SIRT2: variants seen among roughly 807,000 people sequenced by gnomAD.
SIRT2 encodes the protein NAD-dependent protein deacetylase sirtuin-2.
Under a neutral mutation model 57.4 loss-of-function variants are expected in SIRT2, and 40 were observed. The observed-to-expected ratio is 0.70, with a 90% CI of 0.54 to 0.91. The LOEUF is 0.91. Among genes scored for constraint, SIRT2 ranks in the 40% least tolerant of loss-of-function variants. SIRT2 has a pLI of 0.00. For synonymous variants in SIRT2, 161 were observed against 195.7 expected, an observed-to-expected ratio of 0.82 and a Z score of 1.48; for missense variants, 439 against 510.4, an observed-to-expected ratio of 0.86 and a Z score of 1.35.
chr19:38,879,705 G>A lies in SIRT2; in HGVS notation c.877-3C>T. Reference sequence around the variant, plus strand: ...ATCATCCCCAGGAAAGGGTCCGACTGTCAGGGAGGGGGTGGGTCAGGGGCA... The same window carrying A: ...ATCATCCCCAGGAAAGGGTCCGACTATCAGGGAGGGGGTGGGTCAGGGGCA... On this transcript the variant is annotated splice_region_variant and splice_polypyrimidine_tract_variant and intron_variant, in intron 13 of 15. Coordinates refer to ENST00000249396, the MANE Select transcript of SIRT2 (RefSeq NM_012237.4). 6.4e-7 allele frequency: 1 copy of A among 1,563,554 alleles called. No homozygotes were observed. Among genetic ancestry groups the A allele is most frequent in the African/African-American group, 1.4e-5 (1 of 73,744 alleles).
chr19:38,886,022 G>A (rs1367683257), intron 8 of SIRT2, among the ~76,000 whole-genome samples: 2 of 152,156 alleles, frequency 1.3e-5, no homozygotes, highest in Admixed American at 6.5e-5. Context: ...TTGCCTGTGA[G>A]GAATGCCGCT....
rs1370214075 is a variant in SIRT2 at position 38,880,925 on chromosome 19, C to A, written c.748-28G>T. ...GCGGGGAGGGGCGTGAGCTTGGGAGCCTCCGCCCAGGCTGCGCCACCGCTC... is the reference window on the plus strand; with the variant it reads ...GCGGGGAGGGGCGTGAGCTTGGGAGACTCCGCCCAGGCTGCGCCACCGCTC... On this transcript the variant is annotated intron_variant, in intron 11 of 15. Transcript: ENST00000249396. This position sits in a 1 kb window ranked among gnomAD's most constrained non-coding sequence, Gnocchi z 4.1. 1.2e-6 allele frequency: 2 copies of A among 1,605,650 alleles called. No individual in the cohort carries two copies. The highest frequency in any genetic ancestry group is 1.7e-6 in the Non-Finnish European group (2 of 1,173,592).
chr19:38,879,020 T>C lies in SIRT2; in HGVS notation c.*135A>G, dbSNP rs1175353057. The stretch of plus-strand genomic sequence containing the variant: ...GCCAGGGTTGCTGGGACCCCAGTTT[T>C]GGGGAGGGAGCTGTAAGAGATTGGG... On this transcript the variant is annotated 3_prime_UTR_variant, in exon 16 of 16. Transcript: ENST00000249396. 1.0e-6 allele frequency: 1 copy of C among 958,878 alleles called. No homozygotes were observed. The highest frequency in any genetic ancestry group is 1.5e-6 in the Non-Finnish European group (1 of 667,986). 59.4% of individuals were successfully genotyped at this position (958,878 alleles called of 1,614,324 possible).
At chr19:38,884,723 A>G (rs1269090597) in intron 8 of SIRT2, among the ~76,000 whole-genome samples, 1 of 151,934 alleles carries the variant, frequency 6.6e-6, no homozygotes, top group African/African-American at 2.4e-5. Context: ...CTGGGATTAT[A>G]GACATGAGCC....
intron 8 of SIRT2, among the ~76,000 whole-genome samples, chr19:38,885,428 C>CTTTT (rs746141768): frequency 1.5e-5 from 2 of 137,738 alleles, no homozygotes; most frequent in African/African-American, 5.3e-5. Flanking sequence ...CTTTTCTTTT[C>CTTTT]TTTTTTTTTT....
intron 8 of SIRT2, among the ~76,000 whole-genome samples, chr19:38,887,909 C>T (rs1460200443): frequency 6.6e-6 from 1 of 151,684 alleles, no homozygotes; most frequent in Non-Finnish European, 1.5e-5. Flanking sequence ...ACAGGCACCA[C>T]CACACCTGGC....
intron 2 of SIRT2, chr19:38,894,733 T>C (rs1973661143): frequency 2.2e-6 from 1 of 451,690 alleles, no homozygotes; most frequent in Non-Finnish European, 4.5e-6. Context: ...AACCTCTGTC[T>C]CCTTCCTCGA....
intron 7 of SIRT2, chr19:38,889,450 G>C: frequency 4.5e-6 from 3 of 664,154 alleles, no homozygotes. Context: ...AGTCAGCTAA[G>C]CCTCGCAGCA....
intron 4 of SIRT2, chr19:38,890,465 C>G: frequency 2.8e-6 from 1 of 354,128 alleles, no homozygotes; most frequent in South Asian, 3.3e-5. Flanking sequence ...CTGAGGCAGG[C>G]GGGTCATCTG....
chr19:38,881,197 G>A, intron 10 of SIRT2, 42 bp from the exon 11 acceptor site: 2 of 1,593,894 alleles, frequency 1.3e-6, no homozygotes, highest in Non-Finnish European at 1.7e-6. Flanking sequence ...AGTGACATGG[G>A]GAGGCAGAGA....
At chr19:38,889,284 G>T in intron 7 of SIRT2, 129 bp from the exon 8 acceptor site, 1 of 809,558 alleles carries the variant, frequency 1.2e-6, no homozygotes, top group East Asian at 2.6e-5. Context: ...AGCCGCGTCG[G>T]GGAGAGACCA....
At position 38,899,522 on chromosome 19, in the gene SIRT2, G is replaced by T. The variant is rs201403689; in HGVS notation, c.-1C>A. ...CCGACTCACGGTCTGGCTCTGCCAT[G>T]GGCGCGGTGCTGAAGCCCTTGAGGC... is the stretch of plus-strand genomic sequence containing the variant. On this transcript the variant is annotated 5_prime_UTR_variant, in exon 1 of 16. Coordinates refer to ENST00000249396, the MANE Select transcript of SIRT2 (RefSeq NM_012237.4). 6.2e-7 allele frequency: 1 copy of T among 1,613,742 alleles called. No homozygotes were observed. The highest frequency in any genetic ancestry group is 1.1e-5 in the South Asian group (1 of 91,088).
In SIRT2 at chr19:38,880,975, C is replaced by T; in HGVS notation, c.748-78G>A. The T allele has an allele frequency of 6.4e-7, 1 of 1,555,312 alleles. No homozygotes were observed. The highest frequency in any genetic ancestry group is 1.4e-5 in the African/African-American group (1 of 73,776). On this transcript the variant is annotated intron_variant, in intron 11 of 15. Coordinates refer to ENST00000249396, the MANE Select transcript of SIRT2 (RefSeq NM_012237.4). This position sits in a 1 kb window ranked among gnomAD's most constrained non-coding sequence, Gnocchi z 4.1. Reference sequence around the variant, plus strand: ...CCCTCCCCCGCCCCCAGCAGCAAACCTCCCTGCCGCCCCCCATAGCTGGGG... The same window carrying T: ...CCCTCCCCCGCCCCCAGCAGCAAACTTCCCTGCCGCCCCCCATAGCTGGGG...
At chr19:38,893,754 C>T (rs928095249) in intron 3 of SIRT2, 65 bp downstream of exon 3, 12 of 1,584,916 alleles carry the variant, frequency 7.6e-6, no homozygotes, top group African/African-American at 4.0e-5. Context: ...ATCACCCACA[C>T]CCCTGCCCTG....
chr19:38,885,881 G>A (rs891863529), intron 8 of SIRT2, among the ~76,000 whole-genome samples: 1 of 152,106 alleles, frequency 6.6e-6, no homozygotes, highest in African/African-American at 2.4e-5. Flanking sequence ...GAGCCACTGC[G>A]CCCGGCCACT....
chr19:38,880,663 G>A lies in SIRT2; in HGVS notation c.876+22C>T. 1 of 1,529,512 alleles carries A rather than the reference G, an allele frequency of 6.5e-7. No homozygotes were observed. The highest frequency in any genetic ancestry group is 1.3e-5 in the South Asian group (1 of 78,196). 94.7% of individuals were successfully genotyped at this position (1,529,512 alleles called of 1,614,324 possible). ...GGGAAGGGGGAGCCTGTGACGACGGGGGCTTGAAGAAGGGCTCTTACCTGG... is the reference window on the plus strand; with the variant it reads ...GGGAAGGGGGAGCCTGTGACGACGGAGGCTTGAAGAAGGGCTCTTACCTGG... On this transcript the variant is annotated intron_variant, in intron 13 of 15. Coordinates refer to ENST00000249396, the MANE Select transcript of SIRT2 (RefSeq NM_012237.4). This position sits in a 1 kb window ranked among gnomAD's most constrained non-coding sequence, Gnocchi z 4.1.
Position 38,878,858 on chromosome 19 carries a change from C to A in SIRT2, c.*297G>T, listed in dbSNP as rs1284737612. The stretch of plus-strand genomic sequence containing the variant: ...GGAAGAGTTAAAAGTTCTGGGGTAG[C>A]CCTGGCCCCGTGGGGGCAGTTAGAG... On this transcript the variant is annotated 3_prime_UTR_variant, in exon 16 of 16. Transcript: ENST00000249396. 7 of 337,130 alleles carry A rather than the reference C, an allele frequency of 2.1e-5. No homozygotes were observed. The highest frequency in any genetic ancestry group is 3.7e-5 in the Non-Finnish European group (7 of 187,312). 20.9% of individuals were successfully genotyped at this position (337,130 alleles called of 1,614,324 possible).
Position 38,889,919 on chromosome 19 carries a change from T to G in SIRT2, c.311A>C (p.Tyr104Ser). Residue 104 changes from tyrosine (Y) to serine (S), a missense_variant, in exon 6 of 16, where the codon TAT becomes TCT. Physicochemically the swap from Tyr to Ser is moderately radical, Grantham distance 144. Transcript: ENST00000249396. ...AAGATGGTACTTCTCTAGGTTGTCA[T>G]AGAGGCCGGTGGATGGAGAGCGAAA... is the stretch of plus-strand genomic sequence containing the variant. Reference protein sequence around the residue: ...PDFRSPSTGLYDNLEKYHLPY... With the variant: ...PDFRSPSTGLSDNLEKYHLPY... 1 of 1,614,074 alleles carries G rather than the reference T, an allele frequency of 6.2e-7. No individual in the cohort carries two copies. The highest frequency in any genetic ancestry group is 8.5e-7 in the Non-Finnish European group (1 of 1,180,010).
At position 38,883,757 on chromosome 19, in the gene SIRT2, C is replaced by G; in HGVS notation, c.502-1G>C. 1 of 1,613,824 alleles carries G rather than the reference C, an allele frequency of 6.2e-7. No homozygotes were observed. Among genetic ancestry groups the G allele is most frequent in the Non-Finnish European group, 8.5e-7 (1 of 1,179,832 alleles). ...CTATTCGCTCCAGGGTATCTATGTT[C>G]TAGAGGGAGAGATGGAGGGAAGAGG... On this transcript the variant is annotated splice_acceptor_variant, in intron 8 of 15. Transcript: ENST00000249396. LOFTEE classifies it high-confidence loss of function.
Sources: gnomAD v4.1 joint callset for allele counts (sites outside exome capture counted in the v4.1 genomes callset) on GRCh38, gnomAD v4.1.1 for gene constraint, Gnocchi (gnomAD v3.1) non-coding constraint, MANE v1.5 for transcripts, NCBI Gene and HGNC (gene_info 2026-07-23, HGNC 2026-07-21) for gene names.